Variants in XIRP2 observed in about 807,000 individuals in gnomAD.
XIRP2 encodes the protein xin actin binding repeat containing 2, also known as xin actin-binding repeat-containing protein 2.
XIRP2 carries 236 observed loss-of-function variants against 277.0 expected under a neutral mutation model. The ratio of observed to expected loss-of-function variants is 0.85; its 90% CI spans 0.77 to 0.95. The LOEUF (loss-of-function observed/expected upper bound fraction) is 0.95, where lower values mean the gene tolerates loss of function less well. XIRP2 is among the 40% of genes least tolerant of loss of function. XIRP2 has a pLI of 0.00. For synonymous variants in XIRP2, 1,490 were observed against 1,416.5 expected (o/e 1.05, Z -1.17); for missense variants, 4,640 against 4,157.5 (o/e 1.12, Z -3.19).
intron 2 of XIRP2, among the ~76,000 whole-genome samples, chr2:167,025,667 T>C (rs1185379757): frequency 1.3e-5 from 2 of 152,138 alleles, no homozygotes; most frequent in African/African-American, 4.8e-5. Flanking sequence ...TTTGTTCTCA[T>C]TGGTTTCAAA....
At chr2:166,906,125 A>G (rs1384777402) in intron 2 of XIRP2, among the ~76,000 whole-genome samples, 2 of 152,012 alleles carry the variant, frequency 1.3e-5, no homozygotes, top group Non-Finnish European at 2.9e-5. Flanking sequence ...TATTTATTAA[A>G]CTTAAAGCAA....
At chr2:167,095,906 C>T (rs1690300365) in intron 2 of XIRP2, among the ~76,000 whole-genome samples, 1 of 103,730 alleles carries the variant, frequency 9.6e-6, no homozygotes, top group Non-Finnish European at 1.8e-5. Flanking sequence ...AGGAGTCTCG[C>T]TCTGTTGCCC....
intron 2 of XIRP2, among the ~76,000 whole-genome samples, chr2:167,028,262 G>T (rs112291727): frequency 1.9e-4 from 29 of 151,898 alleles, no homozygotes; most frequent in African/African-American, 6.8e-4. Context: ...AAAATTTTGT[G>T]CAAAAAATTA....
At chr2:167,048,248 G>A (rs558457518) in intron 2 of XIRP2, among the ~76,000 whole-genome samples, 1 of 151,880 alleles carries the variant, frequency 6.6e-6, no homozygotes, top group South Asian at 2.1e-4. Flanking sequence ...GTTTTATACT[G>A]ATCTATTTTT....
chr2:167,015,506 A>G (rs779540174), intron 2 of XIRP2, among the ~76,000 whole-genome samples: 1 of 151,346 alleles, frequency 6.6e-6, no homozygotes, highest in Non-Finnish European at 1.5e-5. Context: ...GTTTCCTTTC[A>G]TGCCTATTTT....
chr2:167,098,327 C>G (rs1009030569), intron 2 of XIRP2, among the ~76,000 whole-genome samples: 7 of 152,154 alleles, frequency 4.6e-5, no homozygotes, highest in African/African-American at 1.4e-4. Context: ...GTTTCCTCCA[C>G]TTGATCAATT....
intron 2 of XIRP2, among the ~76,000 whole-genome samples, chr2:167,129,692 G>A (rs1197750345): frequency 6.6e-6 from 1 of 152,070 alleles, no homozygotes; most frequent in African/African-American, 2.4e-5. Flanking sequence ...ACAACATGGA[G>A]AAACCCTGTC....
At chr2:166,896,289 G>A (rs1161302027) in intron 1 of XIRP2, among the ~76,000 whole-genome samples, 1 of 152,062 alleles carries the variant, frequency 6.6e-6, no homozygotes. Flanking sequence ...GCCTCAGACA[G>A]GGTCTTCAGT....
chr2:167,074,515 T>C (rs1441908599), intron 2 of XIRP2, among the ~76,000 whole-genome samples: 1 of 152,204 alleles, frequency 6.6e-6, no homozygotes, highest in African/African-American at 2.4e-5. Context: ...TTCATGCATA[T>C]TTTTTAAAAC....
chr2:167,258,139 A>G lies in XIRP2; in HGVS notation c.*322A>G. 1 of 1,613,146 alleles carries G rather than the reference A, an allele frequency of 6.2e-7. No homozygotes were observed. The highest frequency in any genetic ancestry group is 8.5e-7 in the Non-Finnish European group (1 of 1,179,564). ...GGAATGATTTGAGAAAATTAGGGGA[A>G]AGGGGAAAATTAAAAGTCATTTGGC... is the stretch of plus-strand genomic sequence containing the variant. On this transcript the variant is annotated 3_prime_UTR_variant, in exon 11 of 11. Coordinates refer to ENST00000409195, the MANE Select transcript of XIRP2 (RefSeq NM_152381.6).
At chr2:166,956,805 C>T (rs1171284994) in intron 2 of XIRP2, among the ~76,000 whole-genome samples, 20 of 151,670 alleles carry the variant, frequency 1.3e-4, no homozygotes, top group Admixed American at 1.3e-3. Context: ...AAAGTGCTTC[C>T]CTGGAAGATC....
chr2:167,221,537 T>C (rs1573970121), intron 5 of XIRP2, among the ~76,000 whole-genome samples: 1 of 151,952 alleles, frequency 6.6e-6, no homozygotes, highest in Admixed American at 6.6e-5. Context: ...GTAATCCTTA[T>C]TGGAAAATTG....
In XIRP2 at chr2:167,003,937, A is replaced by T. The variant is rs1326175444; in HGVS notation, c.408+100047A>T. 2.6e-5 allele frequency among the ~76,000 whole-genome samples: 4 copies of T among 151,976 alleles called. No individual in the cohort carries two copies. The East Asian group carries it at 7.7e-4, about 29-fold the overall frequency. On this transcript the variant is annotated intron_variant, in intron 2 of 10. Transcript: ENST00000409195. The stretch of plus-strand genomic sequence containing the variant: ...TTGCAAAATAATTGTAAAAAATTTA[A>T]TTATTAGGATAACAACATAAATTAT...
intron 2 of XIRP2, among the ~76,000 whole-genome samples, chr2:167,018,757 T>G (rs1687903610): frequency 6.6e-6 from 1 of 152,006 alleles, no homozygotes; most frequent in Non-Finnish European, 1.5e-5. Flanking sequence ...TTCCTACCAC[T>G]TACTGACATT....
intron 2 of XIRP2, among the ~76,000 whole-genome samples, chr2:166,939,731 A>C (rs1485372230): frequency 2.0e-5 from 3 of 151,882 alleles, no homozygotes; most frequent in African/African-American, 7.3e-5. Context: ...AAACAAAAAA[A>C]AAACAAAGAA....
intron 2 of XIRP2, among the ~76,000 whole-genome samples, chr2:166,950,681 A>G (rs542924249): frequency 7.9e-5 from 12 of 152,218 alleles, no homozygotes; most frequent in African/African-American, 2.9e-4. Context: ...ACTGAGAGCT[A>G]AAATAAGAGC....
At chr2:167,206,689 A>G (rs1693864570) in intron 3 of XIRP2, among the ~76,000 whole-genome samples, 1 of 152,216 alleles carries the variant, frequency 6.6e-6, no homozygotes, top group African/African-American at 2.4e-5. Context: ...GAGATGACTC[A>G]CACAAATTTA....
chr2:166,977,789 T>A (rs1463511412), intron 2 of XIRP2, among the ~76,000 whole-genome samples: 1 of 152,136 alleles, frequency 6.6e-6, no homozygotes, highest in Non-Finnish European at 1.5e-5. Context: ...TACCAGGACC[T>A]GGTACAGAAG....
rs756918394 is a variant in XIRP2, at chr2:167,135,958, C to T, written c.458C>T (p.Pro153Leu). 6.2e-7 allele frequency: 1 copy of T among 1,610,918 alleles called. No individual in the cohort carries two copies. The highest frequency in any genetic ancestry group is 1.1e-5 in the South Asian group (1 of 90,718). The change falls in exon 3 of 11, where the codon CCT becomes CTT. Residue 153 changes from proline to leucine, a missense_variant. Transcript: ENST00000409195. ...TGCTCGCCAGCTTTTAAGAGTCACC[C>T]TGGGAGCCAGCTGGAGGATTCTGTG... ...SLCSPAFKSH[P>L]GSQLEDSVKD...
Sources: gnomAD v4.1 joint callset for allele counts (sites outside exome capture counted in the v4.1 genomes callset) on GRCh38, gnomAD v4.1.1 for gene constraint, MANE v1.5 for transcripts, NCBI Gene and HGNC (gene_info 2026-07-23, HGNC 2026-07-21) for gene names.